Variants in IL31RA observed in about 807,000 individuals in gnomAD.
IL31RA encodes interleukin 31 receptor A.
Under a neutral mutation model 83.7 loss-of-function variants are expected in IL31RA, and 66 were observed. That is an observed-to-expected ratio of 0.79 (90% CI 0.65 to 0.97). The LOEUF (loss-of-function observed/expected upper bound fraction) is 0.97. IL31RA is among the 50% of genes least tolerant of loss of function. IL31RA has a pLI of 0.00. For missense variants in IL31RA, 798 were observed against 919.4 expected, an observed-to-expected ratio of 0.87 and a Z score of 1.71; for synonymous variants, 325 against 329.0, an observed-to-expected ratio of 0.99 and a Z score of 0.13.
In IL31RA at chr5:55,907,375, C is replaced by A; in HGVS notation, c.1269C>A (p.Phe423Leu). The A allele has an allele frequency of 6.2e-7, 1 of 1,612,220 alleles. No individual in the cohort carries two copies. The highest frequency in any genetic ancestry group is 1.1e-5 in the South Asian group (1 of 91,056). The change falls in exon 10 of 15, where the codon TTC (phenylalanine) becomes TTA (leucine). Residue 423 changes from phenylalanine to leucine, a missense_variant. Transcript: ENST00000652347. The part of the protein sequence containing the change: ...WTIQQDKLKP[F>L]WCYNISVYPM... ...TTTTCACAGATAAATTAAAACCTTT[C>A]TGGTGCTATAACATCTCTGTGTATC...
At chr5:55,879,645 T>C (rs1747080648) in intron 4 of IL31RA, among the ~76,000 whole-genome samples, 2 of 151,516 alleles carry the variant, frequency 1.3e-5, no homozygotes, top group African/African-American at 4.9e-5. Flanking sequence ...TTGGCCAGGA[T>C]GGTCTTGATC....
At chr5:55,850,829 G>T (rs561194829), upstream of IL31RA, among the ~76,000 whole-genome samples, 1 of 152,346 alleles carries the variant, frequency 6.6e-6, no homozygotes, top group East Asian at 1.9e-4. Context: ...GGTGGCTCAT[G>T]CCTGTAATCC....
chr5:55,851,668 T>C, intron 1 of IL31RA, 35 bp downstream of exon 1: 2 of 1,613,790 alleles, frequency 1.2e-6, no homozygotes, highest in Non-Finnish European at 1.7e-6. Context: ...AAATAATTCC[T>C]AGCAAGTAGG....
chr5:55,901,162 T>G (rs2112531107), intron 8 of IL31RA, among the ~76,000 whole-genome samples: 1 of 152,356 alleles, frequency 6.6e-6, no homozygotes, highest in East Asian at 1.9e-4. Flanking sequence ...ACACTTGATA[T>G]TATTTTAGTT....
chr5:55,894,663 G>A (rs1180987575), intron 6 of IL31RA, among the ~76,000 whole-genome samples: 2 of 152,098 alleles, frequency 1.3e-5, no homozygotes, highest in African/African-American at 4.8e-5. Flanking sequence ...ATTGTACTTG[G>A]TACATTTTCC....
intron 7 of IL31RA, among the ~76,000 whole-genome samples, chr5:55,899,003 G>A (rs922565001): frequency 3.9e-5 from 6 of 152,026 alleles, no homozygotes; most frequent in African/African-American, 1.2e-4. Context: ...CAGCCTGGGC[G>A]ACAGAGAGAG....
In IL31RA at chr5:55,900,038, G is replaced by A. The variant is rs1195230242; in HGVS notation, c.975G>A (p.Leu325=). 4.3e-6 allele frequency: 7 copies of A among 1,613,982 alleles called. No individual in the cohort carries two copies. In the South Asian group the frequency reaches 7.7e-5, roughly 18 times the overall value. The change falls in exon 8 of 15, where the codon CTG becomes CTA. Residue 325 remains leucine, a synonymous_variant. Transcript: ENST00000652347. ...NTTNQQLELH[L]GGESFWVSMI... is the part of the protein sequence containing the mutation. ...CTAACCAGCAGCTTGAACTGCATCT[G>A]GGAGGCGAGAGCTTTTGGGTGTCTA...
At position 55,920,981 on chromosome 5, in the gene IL31RA, G is replaced by A. The variant is rs1750064220; in HGVS notation, c.*3861G>A. Among the ~76,000 whole-genome samples the A allele has an allele frequency of 6.6e-6, 1 of 152,084 alleles. No individual in the cohort carries two copies. The highest frequency in any genetic ancestry group is 6.6e-5 in the Admixed American group (1 of 15,252). ...ACTGGCATCTAGTGGGTAGAGGCCG[G>A]CAATGCTGGAAATTATCTTATAATG... On this transcript the variant is annotated 3_prime_UTR_variant, in exon 15 of 15. Coordinates refer to ENST00000652347, the MANE Select transcript of IL31RA (RefSeq NM_139017.7).
chr5:55,911,405 A>G (rs1005125303), intron 12 of IL31RA, among the ~76,000 whole-genome samples: 2 of 152,178 alleles, frequency 1.3e-5, no homozygotes, highest in Non-Finnish European at 2.9e-5. Flanking sequence ...AAACCATATC[A>G]CTGTACAACA....
intron 3 of IL31RA, among the ~76,000 whole-genome samples, chr5:55,870,249 G>A (rs932286195): frequency 1.3e-5 from 2 of 152,080 alleles, no homozygotes; most frequent in African/African-American, 2.4e-5. Flanking sequence ...ATTTTCACAC[G>A]CCCCAAAGTA....
chr5:55,855,333 A>ATATATT (rs1554083877), intron 1 of IL31RA, among the ~76,000 whole-genome samples: 1 of 150,548 alleles, frequency 6.6e-6, no homozygotes, highest in South Asian at 2.1e-4. Context: ...ATATATATAT[A>ATATATT]TTTTTAGAGA....
At position 55,922,577 on chromosome 5, in the gene IL31RA, A is replaced by G. The variant is rs1750143753; in HGVS notation, c.*5457A>G. 1 of 648,528 alleles carries G rather than the reference A, an allele frequency of 1.5e-6. No individual in the cohort carries two copies. Among genetic ancestry groups the G allele is most frequent in the East Asian group, 2.8e-5 (1 of 36,246 alleles). The allele number at this position is 648,528 out of a possible 1,614,324, so 40.2% of individuals were successfully genotyped here. A position where few individuals can be genotyped will look rare whatever the true frequency, so the allele number is the denominator to read the frequency against. ...GGTATGTGGTCTTTTCCACACATGG[A>G]CCACCTACGGATGCAATCTGTAATG... On this transcript the variant is annotated 3_prime_UTR_variant, in exon 15 of 15. Coordinates refer to ENST00000652347, the MANE Select transcript of IL31RA (RefSeq NM_139017.7).
Position 55,903,195 on chromosome 5 carries a change from C to G in IL31RA, c.1070-2911C>G, listed in dbSNP as rs529280987. Among the ~76,000 whole-genome samples the G allele has an allele frequency of 6.6e-6, 1 of 152,176 alleles. No homozygotes were observed. The highest frequency in any genetic ancestry group is 1.5e-5 in the Non-Finnish European group (1 of 68,030). Reference sequence around the variant, plus strand: ...GTCCCAGGCAGGGCATCGGAAAGCCCGGCCACTGTGTCATAAGGCCAGAGG... The same window carrying G: ...GTCCCAGGCAGGGCATCGGAAAGCCGGGCCACTGTGTCATAAGGCCAGAGG... On this transcript the variant is annotated intron_variant, in intron 8 of 14. Coordinates refer to ENST00000652347, the MANE Select transcript of IL31RA (RefSeq NM_139017.7). This position sits in a 1 kb window ranked among gnomAD's most constrained non-coding sequence, Gnocchi z 4.7.
chr5:55,883,060 T>A lies in IL31RA; in HGVS notation c.471T>A (p.Pro157=). ...RLENIAKTEP[P]KIFRVKPVLG... is the part of the protein sequence containing the mutation. ...TATTTTCAGCGAAAACTGAACCACC[T>A]AAGATTTTCCGTGTGAAACCAGTTT... The change falls in exon 5 of 15, where the codon CCT becomes CCA. Residue 157 remains proline (P), a synonymous_variant. Coordinates refer to ENST00000652347, the MANE Select transcript of IL31RA (RefSeq NM_139017.7). 6.2e-7 allele frequency: 1 copy of A among 1,614,058 alleles called. No individual in the cohort carries two copies. The highest frequency in any genetic ancestry group is 8.5e-7 in the Non-Finnish European group (1 of 1,179,966).
intron 11 of IL31RA, 63 bp from the exon 12 acceptor site, chr5:55,910,469 T>C (rs1286830571): frequency 6.3e-7 from 1 of 1,595,148 alleles, no homozygotes; most frequent in Non-Finnish European, 8.6e-7. Context: ...ATTTTGGTGC[T>C]ACTGGGACAC....
Position 55,872,492 on chromosome 5 carries a change from G to A in IL31RA, c.454+41G>A, listed in dbSNP as rs1746582825. On this transcript the variant is annotated intron_variant, in intron 4 of 14. Transcript: ENST00000652347. Reference sequence around the variant, plus strand: ...TACTCTTATATACTCTTTATTAAATGTTTACCTCCTTCTCTGTTCAAGAGG... The same window carrying A: ...TACTCTTATATACTCTTTATTAAATATTTACCTCCTTCTCTGTTCAAGAGG... 4 of 1,342,028 alleles carry A rather than the reference G, an allele frequency of 3.0e-6. No homozygotes were observed. In the South Asian group the frequency reaches 4.7e-5, roughly 16 times the overall value. 83.1% of individuals were successfully genotyped at this position (1,342,028 alleles called of 1,614,324 possible). A position where few individuals can be genotyped will look rare whatever the true frequency, so the allele number is the denominator to read the frequency against.
chr5:55,858,737 C>T (rs1745495095), intron 1 of IL31RA, among the ~76,000 whole-genome samples: 3 of 152,250 alleles, frequency 2.0e-5, no homozygotes, highest in Admixed American at 1.3e-4. Context: ...CCCACCATTT[C>T]ATCTTAGATG....
In IL31RA at chr5:55,888,240, G is replaced by A. The variant is rs73756376; in HGVS notation, c.607-1730G>A. Among the ~76,000 whole-genome samples the A allele has an allele frequency of 1.1e-3, 168 of 152,298 alleles. 2 individuals carry two copies. Among genetic ancestry groups the A allele is most frequent in the African/African-American group, 3.9e-3 (161 of 41,564 alleles). On this transcript the variant is annotated intron_variant, in intron 5 of 14. Coordinates refer to ENST00000652347, the MANE Select transcript of IL31RA (RefSeq NM_139017.7). Reference sequence around the variant, plus strand: ...CCTGTGCAGAGTTGGGGAAGTTTTGGATCTAAGCCTGTATATAAAGGATCA... The same window carrying A: ...CCTGTGCAGAGTTGGGGAAGTTTTGAATCTAAGCCTGTATATAAAGGATCA...
intron 3 of IL31RA, among the ~76,000 whole-genome samples, chr5:55,871,494 G>A (rs1179416646): frequency 2.6e-5 from 4 of 152,008 alleles, no homozygotes; most frequent in Admixed American, 1.3e-4. Context: ...ACTAATATGT[G>A]TATTTGTTTT....
Sources: allele counts gnomAD v4.1 joint callset (sites outside exome capture counted in the v4.1 genomes callset), GRCh38; gene constraint gnomAD v4.1.1; non-coding constraint Gnocchi (gnomAD v3.1); transcripts MANE v1.5; gene names NCBI Gene and HGNC (gene_info 2026-07-23, HGNC 2026-07-21).